GRM1: variants seen among roughly 807,000 people sequenced by gnomAD.
The protein encoded by GRM1 is glutamate metabotropic receptor 1.
Under a neutral mutation model 90.9 loss-of-function variants are expected in GRM1, and 33 were observed. That is an observed-to-expected ratio of 0.36 (90% confidence interval 0.28 to 0.49). The LOEUF is 0.49. Ranked by LOEUF, GRM1 falls within the 20% of genes least tolerant of loss-of-function variation. The pLI is 0.99. For missense variants in GRM1, 1,190 were observed against 1,534.3 expected, an observed-to-expected ratio of 0.78 and a Z score of 3.75; for synonymous variants, 700 against 613.2, an observed-to-expected ratio of 1.14 and a Z score of -2.09.
chr6:146,252,707 C>T (rs1215692454), intron 2 of GRM1, among the ~76,000 whole-genome samples: 1 of 152,162 alleles, frequency 6.6e-6, no homozygotes, highest in Non-Finnish European at 1.5e-5. Context: ...GTTGAAAAAA[C>T]ATGTGCAAAA....
At chr6:146,130,319 A>G (rs1439260622) in intron 1 of GRM1, among the ~76,000 whole-genome samples, 1 of 144,594 alleles carries the variant, frequency 6.9e-6, no homozygotes. Flanking sequence ...GAATTTTATC[A>G]GTCAGTACAC....
intron 2 of GRM1, among the ~76,000 whole-genome samples, chr6:146,271,207 T>C (rs1048307373): frequency 3.3e-5 from 5 of 152,000 alleles, no homozygotes; most frequent in Admixed American, 3.3e-4. Context: ...GGTTTCACTA[T>C]GTTGGCCAGG....
intron 1 of GRM1, among the ~76,000 whole-genome samples, chr6:146,080,982 G>C (rs543023708): frequency 6.6e-6 from 1 of 152,332 alleles, no homozygotes; most frequent in South Asian, 2.1e-4. Flanking sequence ...TGTGGGAATG[G>C]CTCAGAGATG....
chr6:146,276,692 A>G (rs1328750108), intron 2 of GRM1, among the ~76,000 whole-genome samples: 1 of 152,190 alleles, frequency 6.6e-6, no homozygotes, highest in African/African-American at 2.4e-5. Context: ...GAGAAAATGA[A>G]TTGTTAGTTA....
At chr6:146,279,190 A>G (rs1005121322) in intron 2 of GRM1, among the ~76,000 whole-genome samples, 1 of 152,126 alleles carries the variant, frequency 6.6e-6, no homozygotes, top group Non-Finnish European at 1.5e-5. Flanking sequence ...TATGGAATCA[A>G]TAGTGATTTT....
intron 5 of GRM1, among the ~76,000 whole-genome samples, chr6:146,372,477 A>C (rs1583403778): frequency 6.6e-6 from 1 of 151,888 alleles, no homozygotes; most frequent in African/African-American, 2.4e-5. Flanking sequence ...ATGTGATCCC[A>C]TTTGTCCATT....
At chr6:146,120,804 G>T (rs1775955709) in intron 1 of GRM1, among the ~76,000 whole-genome samples, 1 of 152,146 alleles carries the variant, frequency 6.6e-6, no homozygotes, top group African/African-American at 2.4e-5. Flanking sequence ...GATCATGGTG[G>T]ATAAGCTTTT....
Position 146,197,728 on chromosome 6 carries a change from G to A in GRM1, c.950+38131G>A, listed in dbSNP as rs565376277. On this transcript the variant is annotated intron_variant, in intron 2 of 7. Coordinates refer to ENST00000282753, the MANE Select transcript of GRM1 (RefSeq NM_001278064.2). Reference sequence around the variant, plus strand: ...TCCTCTGTGAATGACAACTGTTTGTGATTTTCTTTTCTATTTGTAATGAAA... The same window carrying A: ...TCCTCTGTGAATGACAACTGTTTGTAATTTTCTTTTCTATTTGTAATGAAA... 3.9e-5 allele frequency among the ~76,000 whole-genome samples: 6 copies of A among 152,232 alleles called. No homozygotes were observed. The South Asian group carries it at 6.2e-4, about 16-fold the overall frequency.
rs557672776 is a variant in GRM1 at position 146,282,148 on chromosome 6, C to T, written c.951-22463C>T. 8.5e-5 allele frequency among the ~76,000 whole-genome samples: 13 copies of T among 152,292 alleles called. No individual in the cohort carries two copies. The South Asian group carries it at 2.7e-3, about 32-fold the overall frequency. On this transcript the variant is annotated intron_variant, in intron 2 of 7. Transcript: ENST00000282753. ...GTACCTTTAACAGGCCACACTCTTT[C>T]CTGTCTGTCTTTGCACACACAGCAC...
At chr6:146,109,678 T>C (rs1489469163) in intron 1 of GRM1, among the ~76,000 whole-genome samples, 1 of 152,126 alleles carries the variant, frequency 6.6e-6, no homozygotes, top group Non-Finnish European at 1.5e-5. Flanking sequence ...ATAGATCCAC[T>C]GACAGCTTGC....
chr6:146,175,932 G>A (rs1393953214), intron 2 of GRM1, among the ~76,000 whole-genome samples: 2 of 151,974 alleles, frequency 1.3e-5, no homozygotes, highest in African/African-American at 4.8e-5. Context: ...TGTGGTTTTG[G>A]GGAAACCTCT....
intron 1 of GRM1, among the ~76,000 whole-genome samples, chr6:146,136,118 T>C (rs1184501698): frequency 1.3e-5 from 2 of 152,242 alleles, no homozygotes; most frequent in Non-Finnish European, 1.5e-5. Flanking sequence ...TATATCATTC[T>C]TGTTATGGCT....
chr6:146,041,664 C>G (rs905614908), intron 1 of GRM1, among the ~76,000 whole-genome samples: 11 of 151,978 alleles, frequency 7.2e-5, no homozygotes, highest in African/African-American at 2.4e-4. Flanking sequence ...GACTCGGTAT[C>G]TCCTTTGTCT....
intron 2 of GRM1, among the ~76,000 whole-genome samples, chr6:146,294,580 A>G (rs1038486646): frequency 6.6e-6 from 1 of 152,182 alleles, no homozygotes; most frequent in East Asian, 1.9e-4. Context: ...CCAAGCATCA[A>G]GCATGTTAAT....
At chr6:146,219,130 T>C (rs544568140) in intron 2 of GRM1, among the ~76,000 whole-genome samples, 2 of 152,350 alleles carry the variant, frequency 1.3e-5, no homozygotes, top group South Asian at 4.1e-4. Context: ...TGAAATGATA[T>C]GATCAAGTAC....
At chr6:146,298,768 T>C (rs889711928) in intron 2 of GRM1, among the ~76,000 whole-genome samples, 4 of 152,190 alleles carry the variant, frequency 2.6e-5, no homozygotes, top group Admixed American at 2.0e-4. Context: ...TTTATTTCTC[T>C]AGTTTTGCTC....
chr6:146,293,468 T>C (rs1783066326), intron 2 of GRM1, among the ~76,000 whole-genome samples: 1 of 152,046 alleles, frequency 6.6e-6, no homozygotes, highest in Non-Finnish European at 1.5e-5. Flanking sequence ...ATTAATTAAA[T>C]ATGATTGTAA....
intron 1 of GRM1, among the ~76,000 whole-genome samples, chr6:146,124,171 T>C (rs1176601426): frequency 6.6e-6 from 1 of 152,172 alleles, no homozygotes; most frequent in Non-Finnish European, 1.5e-5. Context: ...ACTTGGAAAG[T>C]TTTAATTAGT....
chr6:146,313,828 T>C (rs1229750821), intron 3 of GRM1, among the ~76,000 whole-genome samples: 10 of 152,136 alleles, frequency 6.6e-5, no homozygotes, highest in African/African-American at 2.4e-4. Flanking sequence ...CAAATTCCTT[T>C]GTGCCTCATT....
Sources: gnomAD v4.1 joint callset for allele counts (sites outside exome capture counted in the v4.1 genomes callset) on GRCh38, gnomAD v4.1.1 for gene constraint, MANE v1.5 for transcripts, NCBI Gene and HGNC (gene_info 2026-07-23, HGNC 2026-07-21) for gene names.